Variants in COL4A5 observed in about 807,000 individuals in gnomAD.
COL4A5 encodes collagen alpha-5(IV) chain.
In COL4A5, 26 loss-of-function variants were observed where a neutral mutation model predicts 130.2. The ratio of observed to expected loss-of-function variants is 0.20; its 90% CI spans 0.15 to 0.28. The LOEUF is 0.28. COL4A5 is among the 10% of genes least tolerant of loss of function. COL4A5 has a pLI of 1.00. For synonymous variants in COL4A5, 496 were observed against 439.6 expected (o/e 1.13, Z -1.60); for missense variants, 1,131 against 1,344.3 (o/e 0.84, Z 2.48).
Position 108,696,792 on chromosome X carries a change from G to A in COL4A5, c.*414G>A. 8.2e-6 allele frequency: 1 copy of A among 121,980 alleles called. No individual in the cohort carries two copies. The highest frequency in any genetic ancestry group is 1.7e-5 in the Non-Finnish European group (1 of 58,955). 10.1% of individuals were successfully genotyped at this position (121,980 alleles called of 1,213,427 possible). A position where few individuals can be genotyped will look rare whatever the true frequency, so the allele number is the denominator to read the frequency against. ...GTGCTACTAATCCTGCTGTATCCCGGGTTTTTAATATAAAGGTGTTAAGCT... is the reference window on the plus strand; with the variant it reads ...GTGCTACTAATCCTGCTGTATCCCGAGTTTTTAATATAAAGGTGTTAAGCT... On this transcript the variant is annotated 3_prime_UTR_variant, in exon 53 of 53. Coordinates refer to ENST00000328300, the MANE Select transcript of COL4A5 (RefSeq NM_033380.3).
chrX:108,682,067 C>T (rs1273325689), intron 47 of COL4A5, among the ~76,000 whole-genome samples, 179 bp downstream of exon 47: 1 of 111,328 alleles, frequency 9.0e-6, no homozygotes, highest in East Asian at 2.8e-4. Flanking sequence ...GCCCCCCTAC[C>T]CCTTGACAGG....
intron 1 of COL4A5, among the ~76,000 whole-genome samples, chrX:108,512,446 T>C (rs780932456): frequency 1.8e-4 from 20 of 112,498 alleles, no homozygotes; most frequent in Non-Finnish European, 3.8e-4. Flanking sequence ...ATGCTATTAA[T>C]GAGATTAATC....
Position 108,687,563 on chromosome X carries a change from A to G in COL4A5, c.4397A>G (p.His1466Arg). ...CCCCCTGGAACCTCCTCTGTTGCAC[A>G]TGGATTTCTTATTACACGCCACAGC... Reference protein sequence around the residue: ...PGPPGTSSVAHGFLITRHSQT... With the variant: ...PGPPGTSSVARGFLITRHSQT... The change falls in exon 49 of 53, where the codon CAT (histidine) becomes CGT (arginine). Residue 1466 changes from histidine (H) to arginine (R), a missense_variant. Coordinates refer to ENST00000328300, the MANE Select transcript of COL4A5 (RefSeq NM_033380.3). The G allele has an allele frequency of 8.3e-7, 1 of 1,211,683 alleles. No homozygotes were observed. The highest frequency in any genetic ancestry group is 1.7e-5 in the African/African-American group (1 of 57,784).
chrX:108,611,055 G>C (rs2066824428), intron 29 of COL4A5, among the ~76,000 whole-genome samples: 1 of 110,897 alleles, frequency 9.0e-6, no homozygotes, highest in South Asian at 3.8e-4. Flanking sequence ...TCAGCAAGCA[G>C]ATCACAATAA....
At chrX:108,513,671 T>C (rs1398497342) in intron 1 of COL4A5, among the ~76,000 whole-genome samples, 1 of 111,935 alleles carries the variant, frequency 8.9e-6, no homozygotes, top group Non-Finnish European at 1.9e-5. Flanking sequence ...GAATATCTTC[T>C]TTCAGTCTCT....
intron 1 of COL4A5, among the ~76,000 whole-genome samples, chrX:108,486,750 A>G (rs1270334989): frequency 8.9e-6 from 1 of 112,063 alleles, no homozygotes; most frequent in East Asian, 2.8e-4. Flanking sequence ...CCATTATTTC[A>G]TTCCTTTTTA....
intron 43 of COL4A5, 134 bp from the exon 44 acceptor site, chrX:108,677,366 G>T (rs926031098): frequency 7.7e-5 from 44 of 571,956 alleles, no homozygotes; most frequent in Non-Finnish European, 1.1e-4. Flanking sequence ...AATCAGCATA[G>T]GTCTAGATAT....
intron 18 of COL4A5, 29 bp downstream of exon 18, chrX:108,584,554 A>G (rs1334128257): frequency 1.7e-6 from 2 of 1,154,422 alleles, no homozygotes; most frequent in Non-Finnish European, 2.3e-6. Context: ...GTCTTCGTTT[A>G]TCAAATTTAT....
intron 46 of COL4A5, among the ~76,000 whole-genome samples, chrX:108,681,430 A>G (rs1472720883): frequency 1.8e-5 from 2 of 110,035 alleles, no homozygotes; most frequent in East Asian, 5.7e-4. Context: ...GTCAGAATGG[A>G]TGTGTAAGGG....
At chrX:108,509,925 A>T in intron 1 of COL4A5, among the ~76,000 whole-genome samples, 1 of 112,717 alleles carries the variant, frequency 8.9e-6, no homozygotes, top group East Asian at 2.8e-4. Flanking sequence ...TCAGTGACAG[A>T]TTACATAAAG....
Position 108,571,214 on chromosome X carries a change from G to C in COL4A5, c.385-199G>C, listed in dbSNP as rs56116159. ...TTTTTCTTTACTTCTAATTGGGATAGATGAATTGGGATAAAAGTTGAATTG... is the reference window on the plus strand; with the variant it reads ...TTTTTCTTTACTTCTAATTGGGATACATGAATTGGGATAAAAGTTGAATTG... On this transcript the variant is annotated intron_variant, in intron 6 of 52. Transcript: ENST00000328300. Among the ~76,000 whole-genome samples, 866 of 111,841 alleles carry C rather than the reference G, an allele frequency of 7.7e-3. 6 individuals carry two copies. The highest frequency in any genetic ancestry group is 0.013 in the South Asian group (36 of 2,687).
chrX:108,647,566 C>G (rs2067625512), intron 36 of COL4A5, among the ~76,000 whole-genome samples: 1 of 111,022 alleles, frequency 9.0e-6, no homozygotes, highest in South Asian at 3.8e-4. Flanking sequence ...AATTGAATAC[C>G]CTTTATTTTC....
intron 49 of COL4A5, among the ~76,000 whole-genome samples, chrX:108,689,195 C>G (rs776944070): frequency 5.4e-5 from 6 of 110,517 alleles, no homozygotes; most frequent in Non-Finnish European, 7.6e-5. Flanking sequence ...ATTAAATTAT[C>G]TTTCCATAAT....
At chrX:108,599,217 C>T (rs995590145) in intron 25 of COL4A5, among the ~76,000 whole-genome samples, 3 of 111,666 alleles carry the variant, frequency 2.7e-5, no homozygotes, top group African/African-American at 9.8e-5. Flanking sequence ...TTCTCCCTGT[C>T]ATTTCCTAAT....
intron 2 of COL4A5, among the ~76,000 whole-genome samples, chrX:108,554,025 A>T (rs2065787897): frequency 8.9e-6 from 1 of 111,919 alleles, no homozygotes; most frequent in South Asian, 3.7e-4. Context: ...AATGCAAATT[A>T]ATCTACAGTG....
intron 36 of COL4A5, among the ~76,000 whole-genome samples, chrX:108,649,546 G>T (rs1040217234): frequency 8.9e-6 from 1 of 111,999 alleles, no homozygotes; most frequent in Non-Finnish European, 1.9e-5. Context: ...CATGGTACTG[G>T]TATAAAAATA....
intron 1 of COL4A5, among the ~76,000 whole-genome samples, chrX:108,472,285 T>A (rs2064780636): frequency 8.9e-6 from 1 of 111,761 alleles, no homozygotes. Context: ...GAATGTTACA[T>A]ATGCACTTGG....
At chrX:108,640,744 T>C (rs1242571559) in intron 36 of COL4A5, among the ~76,000 whole-genome samples, 1 of 112,008 alleles carries the variant, frequency 8.9e-6, no homozygotes, top group Admixed American at 9.5e-5. Flanking sequence ...GTAAGATTTA[T>C]GTTTTGTATA....
At chrX:108,546,866 C>T (rs1435738413) in intron 2 of COL4A5, among the ~76,000 whole-genome samples, 5 of 111,888 alleles carry the variant, frequency 4.5e-5, no homozygotes, top group African/African-American at 1.6e-4. Flanking sequence ...ATTTGATCTT[C>T]AATCACTGAT....
Sources: allele counts gnomAD v4.1 joint callset (sites outside exome capture counted in the v4.1 genomes callset), GRCh38; gene constraint gnomAD v4.1.1; transcripts MANE v1.5; gene names NCBI Gene and HGNC (gene_info 2026-07-23, HGNC 2026-07-21).